RANBP2: variants seen among roughly 807,000 people sequenced by gnomAD.
RANBP2 encodes E3 SUMO-protein ligase RanBP2.
Under a neutral mutation model 303.6 loss-of-function variants are expected in RANBP2, and 57 were observed. The observed-to-expected ratio is 0.19, with a 90% confidence interval of 0.15 to 0.23. RANBP2 has a LOEUF of 0.23. Among genes scored for constraint, RANBP2 ranks in the 10% least tolerant of loss-of-function variants. The pLI, the probability that RANBP2 is intolerant of heterozygous loss-of-function variation, is 1.00. For missense variants in RANBP2, 3,138 were observed against 3,780.8 expected (o/e 0.83, Z 4.46); for synonymous variants, 1,167 against 1,301.5 (o/e 0.90, Z 2.23).
At chr2:109,074,210 T>C in the RANBP2 span, among the ~76,000 whole-genome samples, 2 of 149,864 alleles carry the variant, frequency 1.3e-5, no homozygotes. Context: ...CTACTAGAAA[T>C]ACACAAAATT....
chr2:109,710,768 G>A, the RANBP2 span, among the ~76,000 whole-genome samples: 1 of 152,188 alleles, frequency 6.6e-6, no homozygotes, highest in Admixed American at 6.5e-5. Context: ...GAGTGAGGGA[G>A]GGGTGAGAGG....
the RANBP2 span, among the ~76,000 whole-genome samples, chr2:109,667,559 A>G: frequency 0.94 from 142,791 of 152,182 alleles, 67,335 homozygotes; most frequent in Non-Finnish European, 0.99. Flanking sequence ...AGCCCATAGA[A>G]TGATGAACAG....
the RANBP2 span, among the ~76,000 whole-genome samples, chr2:108,800,638 T>TTTTTTTTTTTTTTTTTTTTA: frequency 8.1e-5 from 6 of 73,732 alleles, 1 homozygote; most frequent in African/African-American, 3.5e-4. Context: ...TTTTTTTTTT[T>TTTTTTTTTTTTTTTTTTTTA]AATTATACTT....
chr2:108,793,645 G>A, the RANBP2 span, among the ~76,000 whole-genome samples: 2 of 151,176 alleles, frequency 1.3e-5, no homozygotes, highest in Non-Finnish European at 2.9e-5. Context: ...CGCCCAGGCT[G>A]GAGTGCAGTA....
chr2:109,374,847 T>C, the RANBP2 span, among the ~76,000 whole-genome samples: 1 of 152,186 alleles, frequency 6.6e-6, no homozygotes, highest in Non-Finnish European at 1.5e-5. Context: ...TGGCCTCAGC[T>C]TCCCATCAGC....
At chr2:109,774,659 G>T in the RANBP2 span, among the ~76,000 whole-genome samples, 1 of 59,376 alleles carries the variant, frequency 1.7e-5, no homozygotes, top group Non-Finnish European at 2.7e-5. Context: ...AGTATATTGT[G>T]TTCAAGCTAT....
At chr2:109,494,097 C>T in the RANBP2 span, among the ~76,000 whole-genome samples, 1 of 152,186 alleles carries the variant, frequency 6.6e-6, no homozygotes, top group African/African-American at 2.4e-5. Flanking sequence ...TCTCATGTCT[C>T]CCCTAGGATC....
the RANBP2 span, among the ~76,000 whole-genome samples, chr2:108,992,020 G>A: frequency 7.2e-5 from 11 of 152,024 alleles, no homozygotes; most frequent in Non-Finnish European, 1.3e-4. Context: ...GGCTGGTCTC[G>A]AACTCCTGAC....
the RANBP2 span, among the ~76,000 whole-genome samples, chr2:109,115,945 G>A: frequency 9.4e-4 from 143 of 152,332 alleles, no homozygotes; most frequent in African/African-American, 3.2e-3. Context: ...CTTTAAGAAT[G>A]TTGAATATTG....
the RANBP2 span, among the ~76,000 whole-genome samples, chr2:109,289,062 G>T: frequency 6.6e-6 from 1 of 152,192 alleles, no homozygotes. Flanking sequence ...TCCTGGAATA[G>T]GTGCTAAATT....
the RANBP2 span, among the ~76,000 whole-genome samples, chr2:108,951,449 C>T: frequency 3.1e-4 from 47 of 152,270 alleles, no homozygotes; most frequent in African/African-American, 9.1e-4. Context: ...TGTACTAGCA[C>T]GTAGTGAACT....
At chr2:109,199,961 G>A in the RANBP2 span, among the ~76,000 whole-genome samples, 1 of 150,898 alleles carries the variant, frequency 6.6e-6, no homozygotes, top group African/African-American at 2.4e-5. Flanking sequence ...GACGTTTGCA[G>A]TGTCTGGGGA....
the RANBP2 span, among the ~76,000 whole-genome samples, chr2:109,560,167 G>A: frequency 1.3e-5 from 2 of 152,082 alleles, no homozygotes; most frequent in South Asian, 2.1e-4. Flanking sequence ...TGATCCGCCC[G>A]CCTCAGCCTC....
At chr2:108,883,489 C>T in the RANBP2 span, 1 of 152,260 alleles carries the variant, frequency 6.6e-6, no homozygotes, top group African/African-American at 2.4e-5. Flanking sequence ...AAGGGCAGGG[C>T]TGGGATGCGA....
the RANBP2 span, among the ~76,000 whole-genome samples, chr2:109,234,719 C>T: frequency 6.6e-6 from 1 of 152,218 alleles, no homozygotes; most frequent in African/African-American, 2.4e-5. Context: ...AGCACACAGG[C>T]TCTTGGAGTC....
chr2:109,161,370 C>T, the RANBP2 span, among the ~76,000 whole-genome samples: 3 of 151,956 alleles, frequency 2.0e-5, no homozygotes, highest in Non-Finnish European at 4.4e-5. Flanking sequence ...CTGGGTGACT[C>T]CAGGAAGAGG....
At chr2:109,025,715 G>A in the RANBP2 span, among the ~76,000 whole-genome samples, 3 of 151,454 alleles carry the variant, frequency 2.0e-5, no homozygotes, top group East Asian at 1.9e-4. Flanking sequence ...GGAGAATGGC[G>A]TGAACCCGGG....
the RANBP2 span, among the ~76,000 whole-genome samples, chr2:109,446,261 A>G: frequency 6.6e-6 from 1 of 152,126 alleles, no homozygotes; most frequent in Non-Finnish European, 1.5e-5. Flanking sequence ...CGGAAGTGAC[A>G]TGGCTGGGGT....
chr2:109,660,697 T>A, the RANBP2 span, among the ~76,000 whole-genome samples: 1 of 152,112 alleles, frequency 6.6e-6, no homozygotes. Context: ...AGCCGCAGAG[T>A]GCTGGTTCTG....
Sources: allele counts gnomAD v4.1 joint callset (sites outside exome capture counted in the v4.1 genomes callset), GRCh38; gene constraint gnomAD v4.1.1; transcripts MANE v1.5; gene names NCBI Gene and HGNC (gene_info 2026-07-23, HGNC 2026-07-21).